The following ACSM2B variants were observed in gnomAD, a reference collection of about 807,000 sequenced individuals.
ACSM2B encodes the protein acyl-coenzyme A synthetase ACSM2B, mitochondrial.
ACSM2B carries 58 observed loss-of-function variants against 78.6 expected under a neutral mutation model. The ratio of observed to expected loss-of-function variants is 0.74; its 90% CI spans 0.60 to 0.92. ACSM2B has a LOEUF of 0.92. Ranked by LOEUF, ACSM2B falls within the 40% of genes least tolerant of loss-of-function variation. The pLI is 0.00. For synonymous variants in ACSM2B, 257 were observed against 256.8 expected, an observed-to-expected ratio of 1.00 and a Z score of -0.01; for missense variants, 688 against 711.2, an observed-to-expected ratio of 0.97 and a Z score of 0.37.
intron 1 of ACSM2B, among the ~76,000 whole-genome samples, chr16:20,566,801 A>G (rs2015906365): frequency 9.4e-6 from 1 of 105,858 alleles, no homozygotes; most frequent in African/African-American, 3.7e-5. Flanking sequence ...AATATATAAT[A>G]TATAATTTTT....
chr16:20,554,468 G>C (rs928496869), intron 4 of ACSM2B, among the ~76,000 whole-genome samples: 1 of 152,144 alleles, frequency 6.6e-6, no homozygotes, highest in African/African-American at 2.4e-5. Context: ...TTCCATGACA[G>C]CTACCTTAAA....
At chr16:20,547,877 C>G in intron 8 of ACSM2B, 185 bp downstream of exon 8, 1 of 1,381,180 alleles carries the variant, frequency 7.2e-7, no homozygotes, top group Non-Finnish European at 9.7e-7. Flanking sequence ...TCCCAGAAAA[C>G]AGGAACTTTG....
At position 20,559,426 on chromosome 16, in the gene ACSM2B, G is replaced by A; in HGVS notation, c.199C>T (p.Pro67Ser). The change falls in exon 3 of 14, where the codon CCA becomes TCA. Residue 67 changes from proline to serine, a missense_variant. Pro to Ser is a moderately conservative substitution (Grantham distance 74, BLOSUM62 -1). Transcript: ENST00000329697. ...TTCCCATTCACCCACCACAGGGCTG[G>A]GCTTGGGAGTCGCTTGCCAGCCTGA... ...MEKAGKRLPS[P>S]ALWWVNGKGK... The A allele has an allele frequency of 6.2e-7, 1 of 1,613,006 alleles. No individual in the cohort carries two copies. The highest frequency in any genetic ancestry group is 8.5e-7 in the Non-Finnish European group (1 of 1,179,508).
At chr16:20,546,273 C>A in intron 9 of ACSM2B, 121 bp downstream of exon 9, 1 of 1,439,678 alleles carries the variant, frequency 6.9e-7, no homozygotes. Context: ...TCCCTTTTTT[C>A]TGATATTATC....
chr16:20,553,148 TC>T (rs2015370211), intron 5 of ACSM2B, among the ~76,000 whole-genome samples: 1 of 152,220 alleles, frequency 6.6e-6, no homozygotes, highest in Non-Finnish European at 1.5e-5. Context: ...ATTTACATTT[TC>T]CATTTTTTGC....
chr16:20,559,853 A>C (rs1371314475), intron 2 of ACSM2B, among the ~76,000 whole-genome samples: 2 of 151,016 alleles, frequency 1.3e-5, no homozygotes, highest in African/African-American at 4.9e-5. Flanking sequence ...GGATCCTCTC[A>C]TCTGATTCTG....
At chr16:20,567,337 T>TTA (rs2015934097) in intron 1 of ACSM2B, among the ~76,000 whole-genome samples, 1 of 108,036 alleles carries the variant, frequency 9.3e-6, no homozygotes, top group Non-Finnish European at 1.7e-5. Context: ...CAGTATAATA[T>TTA]TATATATAAA....
intron 13 of ACSM2B, among the ~76,000 whole-genome samples, chr16:20,540,251 T>C (rs1380010349): frequency 1.6e-5 from 1 of 60,858 alleles, no homozygotes; most frequent in East Asian, 2.5e-4. Flanking sequence ...GTTTGTTTGG[T>C]TTTTTTTTTG....
chr16:20,567,533 A>G (rs1485346397), intron 1 of ACSM2B, among the ~76,000 whole-genome samples: 15 of 123,812 alleles, frequency 1.2e-4, no homozygotes, highest in African/African-American at 4.8e-4. Context: ...TTATATAAAT[A>G]GTATATAATA....
intron 6 of ACSM2B, chr16:20,549,923 T>G (rs2015253411): frequency 2.8e-6 from 1 of 360,598 alleles, no homozygotes. Flanking sequence ...TAAATAATTG[T>G]GGAGACCCAA....
At chr16:20,566,666 A>AC (rs377714326) in intron 1 of ACSM2B, among the ~76,000 whole-genome samples, 627 of 43,184 alleles carry the variant, frequency 0.015, 7 homozygotes, top group East Asian at 0.054. Flanking sequence ...ATATGTATAT[A>AC]TAGTATATAC....
At chr16:20,560,298 A>G (rs1275203946) in intron 2 of ACSM2B, among the ~76,000 whole-genome samples, 1 of 151,660 alleles carries the variant, frequency 6.6e-6, no homozygotes, top group Non-Finnish European at 1.5e-5. Flanking sequence ...GCAATCCCCA[A>G]TGTCAGAGGT....
At position 20,564,756 on chromosome 16, in the gene ACSM2B, C is replaced by G. The variant is rs1596732006; in HGVS notation, c.90G>C (p.Leu30=). The part of the protein sequence containing the change: ...SRTLYINSRQ[L]VSLQWGHQEV... ...CCTGGTGGCCCCACTGCAGGGACAC[C>G]AGTTGCCTACTATTAATGTAGAGAG... The change falls in exon 2 of 14, where the codon CTG becomes CTC. Residue 30 remains leucine, a synonymous_variant. Transcript: ENST00000329697. The G allele has an allele frequency of 7.4e-6, 12 of 1,613,492 alleles. No homozygotes were observed. The highest frequency in any genetic ancestry group is 6.7e-5 in the African/African-American group (5 of 74,982).
chr16:20,568,328 T>C (rs1407780280), intron 1 of ACSM2B, among the ~76,000 whole-genome samples: 1 of 142,846 alleles, frequency 7.0e-6, no homozygotes, highest in Admixed American at 7.2e-5. Flanking sequence ...TATACAATTA[T>C]ATAATGTATA....
intron 2 of ACSM2B, among the ~76,000 whole-genome samples, chr16:20,564,189 G>A (rs879305102): frequency 2.6e-5 from 4 of 152,068 alleles, no homozygotes; most frequent in Non-Finnish European, 5.9e-5. Context: ...CAACTCCTGG[G>A]CTCAAGCAAT....
Position 20,543,194 on chromosome 16 carries a change from T to G in ACSM2B, c.1350A>C (p.Lys450Asn). ...TAAACTGGAAATACCCATCTTCATC[T>G]TTGATTCCCCGGTCTCCAAGGAGCC... ...DFWLLGDRGI[K>N]DEDGYFQFMG... The change falls in exon 11 of 14, where the codon AAA becomes AAC. Residue 450 changes from lysine (K) to asparagine (N), a missense_variant. Transcript: ENST00000329697. 6.2e-7 allele frequency: 1 copy of G among 1,613,880 alleles called. No individual in the cohort carries two copies. The highest frequency in any genetic ancestry group is 8.5e-7 in the Non-Finnish European group (1 of 1,179,874).
intron 2 of ACSM2B, among the ~76,000 whole-genome samples, chr16:20,563,325 T>C (rs901784622): frequency 1.3e-5 from 2 of 152,152 alleles, no homozygotes; most frequent in African/African-American, 4.8e-5. Flanking sequence ...CTTTGCCTGG[T>C]TTTATAATGA....
At position 20,540,434 on chromosome 16, in the gene ACSM2B, G is replaced by A. The variant is rs575865535; in HGVS notation, c.1629+220C>T. 3.3e-5 allele frequency among the ~76,000 whole-genome samples: 5 copies of A among 152,080 alleles called. No homozygotes were observed. The East Asian group carries it at 9.7e-4, about 29-fold the overall frequency. On this transcript the variant is annotated intron_variant, in intron 13 of 13. Coordinates refer to ENST00000329697, the MANE Select transcript of ACSM2B (RefSeq NM_001105069.2). ...ATTTTTGCATTTTGGGTAGAGACGG[G>A]GTTTCACCATTTTGGCCAGGCTGGT...
chr16:20,559,893 A>G (rs2015599037), intron 2 of ACSM2B, among the ~76,000 whole-genome samples: 1 of 151,072 alleles, frequency 6.6e-6, no homozygotes. Context: ...ACCAACATGT[A>G]TCTTCTGGAA....
Sources: gnomAD v4.1 joint callset for allele counts (sites outside exome capture counted in the v4.1 genomes callset) on GRCh38, gnomAD v4.1.1 for gene constraint, MANE v1.5 for transcripts, NCBI Gene and HGNC (gene_info 2026-07-23, HGNC 2026-07-21) for gene names.